Variants in ZNG1A observed in about 807,000 individuals in gnomAD.
ZNG1A encodes the protein Zn regulated GTPase metalloprotein activator 1A.
chr9:151,047 G>C, the ZNG1A span: 5,660 of 985,310 alleles, frequency 5.7e-3, 247 homozygotes, highest in African/African-American at 0.093. Flanking sequence ...ATGGCTCATA[G>C]TATAAGTGAG....
chr9:169,044 T>C, the ZNG1A span, among the ~76,000 whole-genome samples: 6 of 152,032 alleles, frequency 3.9e-5, no homozygotes, highest in African/African-American at 7.3e-5. Flanking sequence ...AAGAAATATA[T>C]TTCATAAGGC....
chr9:147,587 C>A, the ZNG1A span: 1 of 141,760 alleles, frequency 7.1e-6, no homozygotes, highest in Admixed American at 6.8e-5. Flanking sequence ...AAATTCTGGG[C>A]ATTTTAGATG....
At chr9:127,744 T>C in the ZNG1A span, among the ~76,000 whole-genome samples, 3 of 152,262 alleles carry the variant, frequency 2.0e-5, no homozygotes, top group Non-Finnish European at 4.4e-5. Flanking sequence ...GTATACCTTG[T>C]TTTTCTGGTT....
chr9:152,672 G>A, the ZNG1A span, among the ~76,000 whole-genome samples: 1 of 151,938 alleles, frequency 6.6e-6, no homozygotes, highest in African/African-American at 2.4e-5. Context: ...ATATGGCTTC[G>A]TATGGCACCA....
chr9:168,993 C>T, the ZNG1A span, among the ~76,000 whole-genome samples: 5 of 152,050 alleles, frequency 3.3e-5, no homozygotes, highest in African/African-American at 9.7e-5. Flanking sequence ...CATTCTGCAG[C>T]CCACTGATCA....
the ZNG1A span, chr9:177,827 G>A: frequency 1.7e-6 from 2 of 1,187,084 alleles, no homozygotes; most frequent in Non-Finnish European, 1.2e-6. Context: ...ATAACTGTGG[G>A]GAAACGCCAA....
At chr9:122,122 CA>C in the ZNG1A span, 1 of 1,604,954 alleles carries the variant, frequency 6.2e-7, no homozygotes, top group Non-Finnish European at 8.5e-7. Context: ...GAACATTAAT[CA>C]GCCTCAGTTC....
chr9:147,584 G>A, the ZNG1A span: 2 of 140,724 alleles, frequency 1.4e-5, no homozygotes, highest in South Asian at 2.2e-4. Flanking sequence ...CTCAAATTCT[G>A]GGCATTTTAG....
At chr9:159,177 C>T in the ZNG1A span, among the ~76,000 whole-genome samples, 3 of 148,902 alleles carry the variant, frequency 2.0e-5, no homozygotes, top group Non-Finnish European at 4.5e-5. Flanking sequence ...ATGGCTTTTG[C>T]TTATATATCA....
chr9:157,801 T>A, the ZNG1A span, among the ~76,000 whole-genome samples: 1 of 149,134 alleles, frequency 6.7e-6, no homozygotes, highest in East Asian at 2.0e-4. Flanking sequence ...GTTTCACAAT[T>A]CATGGGGAGA....
chr9:168,504 G>A, the ZNG1A span, among the ~76,000 whole-genome samples: 3 of 150,438 alleles, frequency 2.0e-5, no homozygotes, highest in Non-Finnish European at 2.9e-5. Context: ...TGCCCACCTC[G>A]GCCTCCCAAA....
At chr9:146,070 C>T in the ZNG1A span, 1 of 1,465,690 alleles carries the variant, frequency 6.8e-7, no homozygotes, top group Admixed American at 2.1e-5. Context: ...AGGTACATAA[C>T]AATAAAAGTA....
chr9:176,420 T>C, the ZNG1A span, among the ~76,000 whole-genome samples: 2 of 148,560 alleles, frequency 1.3e-5, no homozygotes, highest in Non-Finnish European at 3.0e-5. Flanking sequence ...TGTTGGACAT[T>C]TGGTTTGTTT....
chr9:143,055 G>C, the ZNG1A span, among the ~76,000 whole-genome samples: 6,476 of 146,434 alleles, frequency 0.044, 223 homozygotes, highest in African/African-American at 0.088. Flanking sequence ...ATAATCAATA[G>C]CTTACCAACC....
the ZNG1A span, among the ~76,000 whole-genome samples, chr9:174,920 TGAG>T: frequency 6.7e-6 from 1 of 150,282 alleles, no homozygotes; most frequent in African/African-American, 2.5e-5. Flanking sequence ...TTAAAATACA[TGAG>T]GATAAAGACC....
the ZNG1A span, among the ~76,000 whole-genome samples, chr9:161,021 G>A: frequency 2.0e-5 from 3 of 150,174 alleles, no homozygotes; most frequent in African/African-American, 7.4e-5. Flanking sequence ...CTCTAAAAAA[G>A]GAGTTTTCTT....
the ZNG1A span, chr9:172,274 C>T: frequency 2.5e-5 from 37 of 1,459,776 alleles, 1 homozygote; most frequent in Admixed American, 4.1e-4. Context: ...GACAAAAGTA[C>T]CCTTGGGAAT....
At chr9:177,719 C>T in the ZNG1A span, 3 of 1,511,014 alleles carry the variant, frequency 2.0e-6, no homozygotes, top group East Asian at 2.5e-5. Flanking sequence ...ATCTACTGAC[C>T]TACCAGTGAG....
the ZNG1A span, among the ~76,000 whole-genome samples, chr9:140,422 G>C: frequency 4.6e-5 from 7 of 151,144 alleles, no homozygotes; most frequent in African/African-American, 7.4e-5. Flanking sequence ...TCACACGGCC[G>C]GGTACTCCAA....
Sources: allele counts gnomAD v4.1 joint callset (sites outside exome capture counted in the v4.1 genomes callset), GRCh38; gene constraint gnomAD v4.1.1; transcripts MANE v1.5; gene names NCBI Gene and HGNC (gene_info 2026-07-23, HGNC 2026-07-21).